Variants in INSR observed in about 807,000 individuals in gnomAD.
INSR encodes insulin receptor.
In INSR, 67 loss-of-function variants were observed where a neutral mutation model predicts 142.6. The ratio of observed to expected loss-of-function variants is 0.47; its 90% CI spans 0.39 to 0.58. The LOEUF is 0.58. INSR is among the 20% of genes least tolerant of loss of function. The pLI is 0.00. For synonymous variants in INSR, 756 were observed against 743.1 expected (o/e 1.02, Z -0.28); for missense variants, 1,248 against 1,833.2 (o/e 0.68, Z 5.83).
At chr19:7,186,531 G>A (rs551168365) in intron 2 of INSR, among the ~76,000 whole-genome samples, 20 of 151,904 alleles carry the variant, frequency 1.3e-4, no homozygotes, top group Non-Finnish European at 2.5e-4. Context: ...ATGTTTAAAT[G>A]TATAGTTCAG....
chr19:7,166,491 C>A lies in INSR; in HGVS notation c.1611-87G>T, dbSNP rs1599935360. The A allele has an allele frequency of 4.2e-6, 6 of 1,426,130 alleles. No individual in the cohort carries two copies. The East Asian group carries it at 1.2e-4, about 28-fold the overall frequency. The allele number at this position is 1,426,130 out of a possible 1,614,324, so 88.3% of individuals were successfully genotyped here. On this transcript the variant is annotated intron_variant, in intron 7 of 21. Coordinates refer to ENST00000302850, the MANE Select transcript of INSR (RefSeq NM_000208.4). This position sits in a 1 kb window ranked among gnomAD's most constrained non-coding sequence, Gnocchi z 4.1. The stretch of plus-strand genomic sequence containing the variant: ...CAGATGAGGCCTGGGAAGTTACATC[C>A]CATAGGGTCACATGTTACTCACCCA...
intron 2 of INSR, among the ~76,000 whole-genome samples, chr19:7,250,578 G>C (rs1238020982): frequency 1.4e-5 from 2 of 139,172 alleles, no homozygotes; most frequent in African/African-American, 5.4e-5. Flanking sequence ...AGGAAGGAAG[G>C]AGGGAGGGAA....
intron 1 of INSR, among the ~76,000 whole-genome samples, chr19:7,276,673 T>C (rs182492582): frequency 2.5e-4 from 38 of 152,292 alleles, no homozygotes; most frequent in African/African-American, 7.5e-4. Context: ...TGTGTGATCC[T>C]GGACAACATC....
intron 16 of INSR, among the ~76,000 whole-genome samples, chr19:7,126,122 C>T (rs56063996): frequency 0.21 from 31,893 of 152,090 alleles, 3,566 homozygotes; most frequent in East Asian, 0.4. Flanking sequence ...CCTGAGCCAG[C>T]CTGCTGGAGC....
intron 13 of INSR, among the ~76,000 whole-genome samples, chr19:7,132,802 G>A (rs1431632507): frequency 6.6e-6 from 1 of 151,968 alleles, no homozygotes; most frequent in Non-Finnish European, 1.5e-5. Flanking sequence ...TGTTGGCCAG[G>A]CTGGTCTCAA....
chr19:7,138,732 G>A (rs535589804), intron 13 of INSR, among the ~76,000 whole-genome samples: 22 of 152,198 alleles, frequency 1.4e-4, no homozygotes, highest in African/African-American at 5.3e-4. Flanking sequence ...CGTCTTCCAT[G>A]TGTCCATTCT....
At chr19:7,137,256 T>C (rs1423215389) in intron 13 of INSR, among the ~76,000 whole-genome samples, 1 of 119,316 alleles carries the variant, frequency 8.4e-6, no homozygotes, top group Non-Finnish European at 1.8e-5. Flanking sequence ...TCAATAAAGC[T>C]GTTTCTAAAT....
rs750767636 is a variant in INSR at position 7,170,785 on chromosome 19, C to T, written c.1269-34G>A. On this transcript the variant is annotated intron_variant, in intron 5 of 21. Coordinates refer to ENST00000302850, the MANE Select transcript of INSR (RefSeq NM_000208.4). Reference sequence around the variant, plus strand: ...AAAACACACACATCTAGTCATTCAACGGCTGGTCTTCTACAACTCCAAGAT... The same window carrying T: ...AAAACACACACATCTAGTCATTCAATGGCTGGTCTTCTACAACTCCAAGAT... 55 of 1,526,790 alleles carry T rather than the reference C, an allele frequency of 3.6e-5. No individual in the cohort carries two copies. In the East Asian group the frequency reaches 6.5e-4, roughly 18 times the overall value. 94.6% of individuals were successfully genotyped at this position (1,526,790 alleles called of 1,614,324 possible). A position where few individuals can be genotyped will look rare whatever the true frequency, so the allele number is the denominator to read the frequency against.
rs1193143533 is a variant in INSR at position 7,293,902 on chromosome 19, G to C, written c.-11C>G. The stretch of plus-strand genomic sequence containing the variant: ...GCCCCCGGTGGCCATGGCTGCGGGA[G>C]CGCGGGGTCTCCTCGGATCAGAGCG... On this transcript the variant is annotated 5_prime_UTR_variant, in exon 1 of 22. Transcript: ENST00000302850. The C allele has an allele frequency of 9.9e-6, 12 of 1,211,920 alleles. No homozygotes were observed. The South Asian group carries it at 3.3e-4, about 33-fold the overall frequency. The allele number at this position is 1,211,920 out of a possible 1,614,324, so 75.1% of individuals were successfully genotyped here.
Position 7,261,684 on chromosome 19 carries a change from C to T in INSR, c.652+5661G>A, listed in dbSNP as rs190444355. 3.6e-4 allele frequency among the ~76,000 whole-genome samples: 55 copies of T among 152,200 alleles called. 1 individual carries two copies. In the East Asian group the frequency reaches 8.9e-3, roughly 25 times the overall value. ...TAGCTGGGATTACAGGCGCCCACCA[C>T]CACGCCTGGCTAATTTTCATATTTT... On this transcript the variant is annotated intron_variant, in intron 2 of 21. Transcript: ENST00000302850.
intron 2 of INSR, among the ~76,000 whole-genome samples, chr19:7,263,051 G>T (rs2145200327): frequency 6.6e-6 from 1 of 152,258 alleles, no homozygotes; most frequent in African/African-American, 2.4e-5. Flanking sequence ...GCTGAGGTGG[G>T]TGTATTGCTC....
intron 13 of INSR, among the ~76,000 whole-genome samples, chr19:7,136,645 A>G (rs1326763491): frequency 6.6e-6 from 1 of 151,810 alleles, no homozygotes; most frequent in African/African-American, 2.4e-5. Flanking sequence ...ACCCAGACCA[A>G]CTGTGTTCAC....
At chr19:7,188,870 C>CAAAA (rs10549803) in intron 2 of INSR, among the ~76,000 whole-genome samples, 3 of 71,812 alleles carry the variant, frequency 4.2e-5, no homozygotes, top group Non-Finnish European at 5.4e-5. Flanking sequence ...GACTCTATCT[C>CAAAA]AAAAAAAAAA....
intron 1 of INSR, among the ~76,000 whole-genome samples, chr19:7,279,330 G>A (rs1358142474): frequency 6.6e-6 from 1 of 151,448 alleles, no homozygotes; most frequent in Non-Finnish European, 1.5e-5. Flanking sequence ...AAGAAAGAGA[G>A]AAACAGCCTT....
chr19:7,264,623 A>G (rs1967666719), intron 2 of INSR, among the ~76,000 whole-genome samples: 1 of 151,986 alleles, frequency 6.6e-6, no homozygotes, highest in African/African-American at 2.4e-5. Flanking sequence ...CATCCTTCCC[A>G]CTCCTCCAAA....
At chr19:7,147,315 C>G (rs1002189355) in intron 11 of INSR, among the ~76,000 whole-genome samples, 2 of 152,014 alleles carry the variant, frequency 1.3e-5, no homozygotes, top group Admixed American at 6.6e-5. Context: ...GCTGGGACTA[C>G]AGGCGCACGT....
intron 3 of INSR, among the ~76,000 whole-genome samples, chr19:7,177,388 A>T (rs1292093444): frequency 6.6e-6 from 1 of 152,152 alleles, no homozygotes; most frequent in East Asian, 1.9e-4. Context: ...GAGGAAAATA[A>T]AGATGAAGGA....
At chr19:7,261,528 C>T (rs532643990) in intron 2 of INSR, among the ~76,000 whole-genome samples, 102 of 151,576 alleles carry the variant, frequency 6.7e-4, no homozygotes, top group African/African-American at 1.7e-3. Context: ...TTCCCCTAAC[C>T]ATTTTTTTTT....
chr19:7,254,370 G>A (rs8102052), intron 2 of INSR, among the ~76,000 whole-genome samples: 132,568 of 151,906 alleles, frequency 0.87, 58,091 homozygotes, highest in African/African-American at 0.94. Flanking sequence ...AAGTAAATAA[G>A]TAAATAAAAT....
Sources: allele counts gnomAD v4.1 joint callset (sites outside exome capture counted in the v4.1 genomes callset), GRCh38; gene constraint gnomAD v4.1.1; non-coding constraint Gnocchi (gnomAD v3.1); transcripts MANE v1.5; gene names NCBI Gene and HGNC (gene_info 2026-07-23, HGNC 2026-07-21).